IGSF10: variants seen among roughly 807,000 people sequenced by gnomAD.
IGSF10 encodes immunoglobulin superfamily member 10, also known as calvaria mechanical force protein 608.
In IGSF10, 126 loss-of-function variants were observed where a neutral mutation model predicts 128.2. The observed-to-expected ratio is 0.98, with a 90% CI of 0.85 to 1.14. The LOEUF (loss-of-function observed/expected upper bound fraction) is 1.14. Ranked by LOEUF, IGSF10 falls within the 50% of genes most tolerant of loss-of-function variation. The probability of loss-of-function intolerance (pLI) is 0.00; values close to 1 mark genes in which losing one functional copy is unlikely to be tolerated. For missense variants in IGSF10, 3,295 were observed against 3,149.8 expected, an observed-to-expected ratio of 1.05 and a Z score of -1.10; for synonymous variants, 1,185 against 1,146.2, an observed-to-expected ratio of 1.03 and a Z score of -0.68.
chr3:151,454,330 T>C (rs1721672237), intron 4 of IGSF10, among the ~76,000 whole-genome samples: 1 of 152,224 alleles, frequency 6.6e-6, no homozygotes, highest in Non-Finnish European at 1.5e-5. Context: ...GAATGACTGT[T>C]AAAATTTAAG....
At chr3:151,574,659 C>T in the IGSF10 span, among the ~76,000 whole-genome samples, 4 of 152,114 alleles carry the variant, frequency 2.6e-5, no homozygotes, top group Admixed American at 6.5e-5. Context: ...GTGATGGGTT[C>T]GAACATCCTC....
At chr3:151,539,876 A>C in the IGSF10 span, among the ~76,000 whole-genome samples, 4 of 151,816 alleles carry the variant, frequency 2.6e-5, no homozygotes, top group Non-Finnish European at 5.9e-5. Context: ...TGTGTCTGTC[A>C]TTCGTCTGTC....
chr3:151,482,144 A>G, the IGSF10 span, among the ~76,000 whole-genome samples: 1 of 152,228 alleles, frequency 6.6e-6, no homozygotes, highest in African/African-American at 2.4e-5. Context: ...ATGAAAAAGA[A>G]AACAAGATAC....
At chr3:151,538,273 C>A in the IGSF10 span, among the ~76,000 whole-genome samples, 1 of 152,116 alleles carries the variant, frequency 6.6e-6, no homozygotes, top group African/African-American at 2.4e-5. Context: ...CATAGAAGTT[C>A]ATTATTGCCC....
At chr3:151,438,666 T>C (rs139512538) in intron 7 of IGSF10, 69 bp from the exon 8 acceptor site, 11,689 of 1,147,420 alleles carry the variant, frequency 0.01, 69 homozygotes, top group Middle Eastern at 0.015. Flanking sequence ...TACTCAGGAT[T>C]GCCTCCCTCT....
chr3:151,563,227 G>GT, the IGSF10 span, among the ~76,000 whole-genome samples: 1 of 152,040 alleles, frequency 6.6e-6, no homozygotes, highest in East Asian at 1.9e-4. Context: ...AGCCTTGACC[G>GT]TGAGAGTGAC....
chr3:151,550,102 G>A, the IGSF10 span, among the ~76,000 whole-genome samples: 1 of 152,116 alleles, frequency 6.6e-6, no homozygotes, highest in Non-Finnish European at 1.5e-5. Context: ...AGCAAAGGGA[G>A]AAAATGACTT....
chr3:151,445,988 A>G lies in IGSF10; in HGVS notation c.3993T>C (p.Thr1331=). Residue 1331 remains threonine (T), a synonymous_variant, in exon 6 of 8, where the codon ACT becomes ACC. Coordinates refer to ENST00000282466, the MANE Select transcript of IGSF10 (RefSeq NM_178822.5). ...TTPTFPASVI[T]YETQTERSRA... ...TAGATCTCTCTGTTTGGGTTTCATA[A>G]GTGATGACAGATGCAGGGAAGGTAG... 1 of 1,614,184 alleles carries G rather than the reference A, an allele frequency of 6.2e-7. No homozygotes were observed. Among genetic ancestry groups the G allele is most frequent in the Non-Finnish European group, 8.5e-7 (1 of 1,180,030 alleles).
At chr3:151,482,246 A>G in the IGSF10 span, among the ~76,000 whole-genome samples, 1 of 152,196 alleles carries the variant, frequency 6.6e-6, no homozygotes, top group Admixed American at 6.5e-5. Flanking sequence ...ATTCAAAACA[A>G]TGATCTTAAG....
chr3:151,618,678 C>T, the IGSF10 span, among the ~76,000 whole-genome samples: 6 of 149,704 alleles, frequency 4.0e-5, no homozygotes, highest in African/African-American at 9.8e-5. Context: ...TACAGTGAAT[C>T]GAGATCACAC....
At chr3:151,457,239 A>C (rs898053438) in intron 3 of IGSF10, 84 bp from the exon 4 acceptor site, 2 of 1,245,908 alleles carry the variant, frequency 1.6e-6, no homozygotes, top group African/African-American at 1.5e-5. Context: ...ACACAAGAAA[A>C]CTCAATACCT....
the IGSF10 span, among the ~76,000 whole-genome samples, chr3:151,552,625 G>T: frequency 6.6e-6 from 1 of 152,100 alleles, no homozygotes; most frequent in East Asian, 1.9e-4. Flanking sequence ...ATGTAAGTCA[G>T]GTCACAATGT....
the IGSF10 span, among the ~76,000 whole-genome samples, chr3:151,542,535 A>C: frequency 2.6e-5 from 4 of 152,180 alleles, no homozygotes; most frequent in Non-Finnish European, 1.5e-5. Flanking sequence ...ATATATATGC[A>C]TGTGTATTTT....
chr3:151,596,285 G>A, the IGSF10 span, among the ~76,000 whole-genome samples: 1 of 152,104 alleles, frequency 6.6e-6, no homozygotes, highest in African/African-American at 2.4e-5. Flanking sequence ...TAGATGCCTA[G>A]GAGACCCTGT....
intron 3 of IGSF10, among the ~76,000 whole-genome samples, chr3:151,458,184 C>G (rs916059260): frequency 2.0e-5 from 3 of 151,940 alleles, no homozygotes; most frequent in African/African-American, 4.8e-5. Context: ...ACCCTGTCAT[C>G]TCTTATGATG....
chr3:151,534,553 A>G, the IGSF10 span, among the ~76,000 whole-genome samples: 1 of 151,820 alleles, frequency 6.6e-6, no homozygotes, highest in African/African-American at 2.4e-5. Flanking sequence ...CTAACACAAG[A>G]ACAAAAAACC....
the IGSF10 span, among the ~76,000 whole-genome samples, chr3:151,606,828 C>T: frequency 6.6e-6 from 1 of 152,148 alleles, no homozygotes; most frequent in African/African-American, 2.4e-5. Flanking sequence ...TTAAGTTTCT[C>T]TCTGTGATTT....
rs1366222179 is a variant in IGSF10, at chr3:151,461,000, G to C, written c.-143C>G. 1 of 984,416 alleles carries C rather than the reference G, an allele frequency of 1.0e-6. No individual in the cohort carries two copies. Among genetic ancestry groups the C allele is most frequent in the Non-Finnish European group, 1.2e-6 (1 of 829,072 alleles). 61.0% of individuals were successfully genotyped at this position (984,416 alleles called of 1,614,324 possible). A position where few individuals can be genotyped will look rare whatever the true frequency, so the allele number is the denominator to read the frequency against. ...GCTGCCCGGGCTAGGTCCCGGGCTC[G>C]GTCCCGGGCTCAGCTGCTGGGGTCG... On this transcript the variant is annotated 5_prime_UTR_variant, in exon 1 of 8. Transcript: ENST00000282466.
chr3:151,496,888 T>TTA, the IGSF10 span, among the ~76,000 whole-genome samples: 1 of 152,128 alleles, frequency 6.6e-6, no homozygotes, highest in Admixed American at 6.5e-5. Flanking sequence ...GTGGGAGATG[T>TTA]TATCTCATTG....
Sources: gnomAD v4.1 joint callset for allele counts (sites outside exome capture counted in the v4.1 genomes callset) on GRCh38, gnomAD v4.1.1 for gene constraint, MANE v1.5 for transcripts, NCBI Gene and HGNC (gene_info 2026-07-23, HGNC 2026-07-21) for gene names.